Variants in GRID2 observed in about 807,000 individuals in gnomAD.
The protein encoded by GRID2 is glutamate ionotropic receptor delta type subunit 2.
In GRID2, 33 loss-of-function variants were observed where a neutral mutation model predicts 114.8. The ratio of observed to expected loss-of-function variants is 0.29; its 90% CI spans 0.22 to 0.38. GRID2 has a LOEUF of 0.38. Among genes scored for constraint, GRID2 ranks in the 10% least tolerant of loss-of-function variants. GRID2 has a pLI of 1.00. For missense variants in GRID2, 1,184 were observed against 1,257.7 expected (o/e 0.94, Z 0.89); for synonymous variants, 505 against 449.9 (o/e 1.12, Z -1.55).
chr4:92,873,412 T>A (rs953732345), intron 2 of GRID2, among the ~76,000 whole-genome samples: 12 of 152,120 alleles, frequency 7.9e-5, no homozygotes, highest in Admixed American at 3.3e-4. Context: ...ACTTTTTTTT[T>A]AATATAACCA....
intron 1 of GRID2, among the ~76,000 whole-genome samples, chr4:92,546,887 T>C (rs2149168429): frequency 6.6e-6 from 1 of 152,338 alleles, no homozygotes; most frequent in East Asian, 1.9e-4. Context: ...TCACCATGGA[T>C]GCTCATAGCT....
chr4:92,432,083 C>T (rs1456281214), intron 1 of GRID2, among the ~76,000 whole-genome samples: 1 of 152,138 alleles, frequency 6.6e-6, no homozygotes, highest in African/African-American at 2.4e-5. Context: ...CCCTTACTTT[C>T]CCCTCAACAA....
intron 2 of GRID2, among the ~76,000 whole-genome samples, chr4:92,618,758 C>T (rs957750909): frequency 2.6e-5 from 4 of 151,688 alleles, no homozygotes; most frequent in Non-Finnish European, 4.4e-5. Context: ...TAAATACTTA[C>T]TATTCCGAGG....
At chr4:93,367,269 C>A (rs1477076376) in intron 8 of GRID2, among the ~76,000 whole-genome samples, 2 of 149,726 alleles carry the variant, frequency 1.3e-5, no homozygotes, top group Non-Finnish European at 3.0e-5. Context: ...GTATCAGAGC[C>A]AGCTAGTTTT....
At chr4:92,731,579 T>C (rs185986115) in intron 2 of GRID2, among the ~76,000 whole-genome samples, 1 of 151,982 alleles carries the variant, frequency 6.6e-6, no homozygotes. Flanking sequence ...TTGTAATTTG[T>C]TATAGTATTG....
intron 14 of GRID2, among the ~76,000 whole-genome samples, chr4:93,684,763 G>C (rs1725923035): frequency 6.6e-6 from 1 of 151,982 alleles, no homozygotes; most frequent in Non-Finnish European, 1.5e-5. Flanking sequence ...TTGTATAGGG[G>C]GAGGGTTCTT....
intron 14 of GRID2, among the ~76,000 whole-genome samples, chr4:93,679,771 T>C (rs1205315899): frequency 6.7e-6 from 1 of 150,284 alleles, no homozygotes; most frequent in Non-Finnish European, 1.5e-5. Flanking sequence ...GGGACACATT[T>C]AAAGCAGTGT....
At chr4:93,438,341 A>G (rs1349431924) in intron 10 of GRID2, among the ~76,000 whole-genome samples, 2 of 152,254 alleles carry the variant, frequency 1.3e-5, no homozygotes, top group South Asian at 2.1e-4. Context: ...AAGATTTCAC[A>G]GAAGAGGAGA....
At chr4:93,080,302 A>G (rs1371308898) in intron 2 of GRID2, among the ~76,000 whole-genome samples, 1 of 152,222 alleles carries the variant, frequency 6.6e-6, no homozygotes, top group African/African-American at 2.4e-5. Flanking sequence ...TTTAGTCATC[A>G]TAGAAAGAAT....
chr4:92,442,476 A>G (rs2149068903), intron 1 of GRID2, among the ~76,000 whole-genome samples: 1 of 152,158 alleles, frequency 6.6e-6, no homozygotes, highest in East Asian at 1.9e-4. Context: ...GCTGCGGTTC[A>G]GGCGTTTGGA....
chr4:92,713,145 G>T (rs545291777), intron 2 of GRID2, among the ~76,000 whole-genome samples: 4 of 145,116 alleles, frequency 2.8e-5, no homozygotes, highest in African/African-American at 1.0e-4. Flanking sequence ...ATCCCTCCCC[G>T]CTCCCCCCAC....
At chr4:93,084,935 A>T in intron 2 of GRID2, 60 bp from the exon 3 acceptor site, 2 of 1,407,348 alleles carry the variant, frequency 1.4e-6, no homozygotes, top group East Asian at 4.6e-5. Context: ...AGTGCTTCTC[A>T]AAAAGGGAAA....
At position 92,959,670 on chromosome 4, in the gene GRID2, C is replaced by G. The variant is rs546226513; in HGVS notation, c.245-125325C>G. On this transcript the variant is annotated intron_variant, in intron 2 of 15. Transcript: ENST00000282020. Reference sequence around the variant, plus strand: ...CATATATACACCATGGAATACAATGCAGCCATAAAAAAGGATTAGTCCATG... The same window carrying G: ...CATATATACACCATGGAATACAATGGAGCCATAAAAAAGGATTAGTCCATG... Among the ~76,000 whole-genome samples the G allele has an allele frequency of 1.4e-3, 212 of 152,132 alleles. 1 individual carries two copies. Among genetic ancestry groups the G allele is most frequent in the African/African-American group, 4.9e-3 (204 of 41,526 alleles).
chr4:92,603,669 C>T (rs756461124), intron 2 of GRID2, among the ~76,000 whole-genome samples: 4 of 151,942 alleles, frequency 2.6e-5, no homozygotes, highest in Non-Finnish European at 4.4e-5. Context: ...GCAATTGCAA[C>T]GAAAGCAGAA....
intron 1 of GRID2, among the ~76,000 whole-genome samples, chr4:93,786,487 A>G (rs1196886133): frequency 6.6e-6 from 1 of 152,216 alleles, no homozygotes; most frequent in Admixed American, 6.5e-5. Flanking sequence ...GTAAAAAGGA[A>G]TGAGATCCAG....
At position 92,909,414 on chromosome 4, in the gene GRID2, A is replaced by G. The variant is rs549141972; in HGVS notation, c.245-175581A>G. On this transcript the variant is annotated intron_variant, in intron 2 of 15. Transcript: ENST00000282020. Reference sequence around the variant, plus strand: ...CCTTCCCTCAATTTGAAATCAATTAATATTTTAAATACTGGAGAAAAGGCA... The same window carrying G: ...CCTTCCCTCAATTTGAAATCAATTAGTATTTTAAATACTGGAGAAAAGGCA... Among the ~76,000 whole-genome samples the G allele has an allele frequency of 6.2e-4, 95 of 152,254 alleles. 1 individual carries two copies. The Middle Eastern group carries it at 0.024, about 38-fold the overall frequency.
At chr4:93,166,235 A>G (rs1350068286) in intron 4 of GRID2, 3 of 152,188 alleles carry the variant, frequency 2.0e-5, no homozygotes, top group Non-Finnish European at 4.4e-5. Flanking sequence ...GTATCTATCT[A>G]TTAAAGTGTT....
At chr4:92,353,112 T>A (rs376276585) in intron 1 of GRID2, among the ~76,000 whole-genome samples, 8 of 151,912 alleles carry the variant, frequency 5.3e-5, no homozygotes, top group East Asian at 3.9e-4. Context: ...GTTCACTAAC[T>A]CTTTTGCCTA....
At chr4:93,319,126 A>G (rs1480347887) in intron 8 of GRID2, among the ~76,000 whole-genome samples, 2 of 152,036 alleles carry the variant, frequency 1.3e-5, no homozygotes, top group Non-Finnish European at 2.9e-5. Context: ...ACAGCACACT[A>G]CTTAGTATCT....
Sources: allele counts gnomAD v4.1 joint callset (sites outside exome capture counted in the v4.1 genomes callset), GRCh38; gene constraint gnomAD v4.1.1; transcripts MANE v1.5; gene names NCBI Gene and HGNC (gene_info 2026-07-23, HGNC 2026-07-21).